The following ANTXRL variants were observed in gnomAD, a reference collection of about 807,000 sequenced individuals.
The protein encoded by ANTXRL is anthrax toxin receptor-like.
A neutral mutation model predicts 75.4 loss-of-function variants in ANTXRL; 63 were observed. The ratio of observed to expected loss-of-function variants is 0.84; its 90% CI spans 0.68 to 1.03. The LOEUF is 1.03. Among genes scored for constraint, ANTXRL ranks in the 50% least tolerant of loss-of-function variants. The pLI is 0.00. For missense variants in ANTXRL, 797 were observed against 789.4 expected (o/e 1.01, Z -0.12); for synonymous variants, 335 against 291.3 (o/e 1.15, Z -1.53).
intron 2 of ANTXRL, among the ~76,000 whole-genome samples, chr10:46,293,339 TGTGTGCGTGC>T (rs1837125618): frequency 6.8e-6 from 1 of 147,528 alleles, no homozygotes; most frequent in South Asian, 2.2e-4. Flanking sequence ...AGTGTGTGCG[TGTGTGCGTGC>T]ATGTGTGTGC....
At chr10:46,325,396 G>C (rs1313495352) in intron 16 of ANTXRL, among the ~76,000 whole-genome samples, 2 of 152,086 alleles carry the variant, frequency 1.3e-5, no homozygotes, top group Non-Finnish European at 2.9e-5. Flanking sequence ...AGGTCCCTTT[G>C]GTCTTGGCCC....
chr10:46,303,320 C>T (rs1837871528), intron 10 of ANTXRL, among the ~76,000 whole-genome samples: 1 of 152,206 alleles, frequency 6.6e-6, no homozygotes, highest in South Asian at 2.1e-4. Context: ...GCACACATTG[C>T]CTGTGTCACC....
chr10:46,302,716 T>C lies in ANTXRL; in HGVS notation c.797-6T>C. 6.5e-7 allele frequency: 1 copy of C among 1,533,664 alleles called. No individual in the cohort carries two copies. The highest frequency in any genetic ancestry group is 8.7e-7 in the Non-Finnish European group (1 of 1,144,404). On this transcript the variant is annotated splice_polypyrimidine_tract_variant and splice_region_variant and intron_variant, in intron 9 of 16. Transcript: ENST00000620264. The stretch of plus-strand genomic sequence containing the variant: ...TCACTCAGCCTTTTGAATGTTGTCC[T>C]TGCAGAACCCTACCATGTGGTTATT...
At chr10:46,300,381 T>C (rs73291005) in intron 9 of ANTXRL, among the ~76,000 whole-genome samples, 6,906 of 152,030 alleles carry the variant, frequency 0.045, 469 homozygotes, top group African/African-American at 0.16. Flanking sequence ...GAGGGAGGCA[T>C]GCAGCCCAGA....
rs575985310 is a variant in ANTXRL at position 46,304,852 on chromosome 10, C to T, written c.896-1951C>T. Among the ~76,000 whole-genome samples, 9 of 152,148 alleles carry T rather than the reference C, an allele frequency of 5.9e-5. No individual in the cohort carries two copies. In the South Asian group the frequency reaches 1.0e-3, roughly 18 times the overall value. ...GGAAAGGGGGTACCCAGCCTACCTC[C>T]GTGAGTGGCATTCAGCTGCCTCCTC... On this transcript the variant is annotated intron_variant, in intron 10 of 16. Coordinates refer to ENST00000620264, the MANE Select transcript of ANTXRL (RefSeq NM_001278688.3).
At chr10:46,289,516 C>G (rs781954448) in intron 1 of ANTXRL, among the ~76,000 whole-genome samples, 1 of 152,074 alleles carries the variant, frequency 6.6e-6, no homozygotes, top group Non-Finnish European at 1.5e-5. Flanking sequence ...TCGCTTGAGT[C>G]TAGGAGTTCA....
In ANTXRL at chr10:46,313,284, G is replaced by A. The variant is rs1838536664; in HGVS notation, c.1378G>A (p.Val460Met). The change falls in exon 16 of 17, where the codon GTG becomes ATG. Residue 460 changes from valine to methionine, a missense_variant. This residue lies in a region of ANTXRL where 479 missense variants were observed against 422.0 expected (regional missense o/e 1.14). Coordinates refer to ENST00000620264, the MANE Select transcript of ANTXRL (RefSeq NM_001278688.3). ...CDLSHASCHQ[V>M]PWMCCQSRDQ... ...CCTCTCTCACGCAAGCTGCCACCAG[G>A]TGCCATGGATGTGTTGTCAGAGCAG... 6.5e-7 allele frequency: 1 copy of A among 1,535,922 alleles called. No individual in the cohort carries two copies. The highest frequency in any genetic ancestry group is 8.7e-7 in the Non-Finnish European group (1 of 1,146,736).
intron 14 of ANTXRL, 60 bp from the exon 15 acceptor site, chr10:46,311,450 G>T: frequency 6.9e-7 from 1 of 1,448,440 alleles, no homozygotes; most frequent in Non-Finnish European, 9.1e-7. Context: ...ACACATCTGG[G>T]AGTGGCCAGC....
intron 12 of ANTXRL, chr10:46,308,802 C>T (rs1259079921): frequency 7.0e-6 from 3 of 425,984 alleles, no homozygotes; most frequent in Non-Finnish European, 1.3e-5. Flanking sequence ...CCTCACCTGT[C>T]TTTGTACCGG....
chr10:46,301,106 AG>A (rs1837710940), intron 9 of ANTXRL, among the ~76,000 whole-genome samples: 1 of 152,194 alleles, frequency 6.6e-6, no homozygotes, highest in African/African-American at 2.4e-5. Flanking sequence ...GCTTTGGGGC[AG>A]CACTCAGCCC....
intron 11 of ANTXRL, 104 bp from the exon 12 acceptor site, chr10:46,307,298 C>A: frequency 1.2e-6 from 1 of 842,048 alleles, no homozygotes; most frequent in Non-Finnish European, 1.9e-6. Context: ...GCTAAGTTTA[C>A]CTGCAAGTGT....
chr10:46,297,773 G>C, intron 7 of ANTXRL, 58 bp from the exon 8 acceptor site: 1 of 1,424,694 alleles, frequency 7.0e-7, no homozygotes, highest in Admixed American at 2.0e-5. Flanking sequence ...CCTGGGCCGG[G>C]GGTCTGCTGC....
Position 46,306,839 on chromosome 10 carries a change from A to C in ANTXRL, c.932A>C (p.Asn311Thr). 1 of 1,530,774 alleles carries C rather than the reference A, an allele frequency of 6.5e-7. No individual in the cohort carries two copies. Among genetic ancestry groups the C allele is most frequent in the Non-Finnish European group, 8.7e-7 (1 of 1,144,760 alleles). The allele number at this position is 1,530,774 out of a possible 1,614,324, so 94.8% of individuals were successfully genotyped here. ...ACCAGTATCGACAATAATTCCATGA[A>C]TTGCCCTGGGCCAAAACTAGAAAAA... is the stretch of plus-strand genomic sequence containing the variant. The part of the protein sequence containing the change: ...KPTSIDNNSM[N>T]CPGPKLEKPG... Residue 311 changes from asparagine to threonine, a missense_variant, in exon 11 of 17, where the codon AAT becomes ACT. Transcript: ENST00000620264.
intron 16 of ANTXRL, among the ~76,000 whole-genome samples, chr10:46,314,150 T>C (rs1184457764): frequency 6.6e-6 from 1 of 152,178 alleles, no homozygotes; most frequent in Non-Finnish European, 1.5e-5. Context: ...TGGCTGTGCA[T>C]GGACAAGGCC....
At chr10:46,309,687 T>A (rs527793076) in intron 13 of ANTXRL, among the ~76,000 whole-genome samples, 1 of 68,154 alleles carries the variant, frequency 1.5e-5, no homozygotes, top group East Asian at 3.8e-4. Flanking sequence ...CATGTCTAGT[T>A]CCTTCCCCAT....
intron 5 of ANTXRL, among the ~76,000 whole-genome samples, chr10:46,296,842 C>T (rs1243322911): frequency 3.9e-5 from 6 of 152,140 alleles, no homozygotes; most frequent in East Asian, 1.9e-4. Flanking sequence ...GACCTGGCCC[C>T]CTGGGAGCCT....
chr10:46,326,610 G>C (rs1158253407), intron 16 of ANTXRL, among the ~76,000 whole-genome samples: 1 of 152,124 alleles, frequency 6.6e-6, no homozygotes, highest in Non-Finnish European at 1.5e-5. Context: ...GATCTTGCCT[G>C]GGCCTTATAG....
At position 46,311,614 on chromosome 10, in the gene ANTXRL, G is replaced by A. The variant is rs45485493; in HGVS notation, c.1278G>A (p.Val426=). The change falls in exon 15 of 17, where the codon GTG becomes GTA. Residue 426 remains valine, a synonymous_variant. Coordinates refer to ENST00000620264, the MANE Select transcript of ANTXRL (RefSeq NM_001278688.3). The stretch of plus-strand genomic sequence containing the variant: ...CTCCTGTAAACACCTGCCCCACTGT[G>A]ATTATTTGTTGCTGTGGATGCCAAG... ...PPAPVNTCPT[V]IICCCGCQGV... is the part of the protein sequence containing the mutation. The A allele has an allele frequency of 1.8e-5, 25 of 1,384,866 alleles. No individual in the cohort carries two copies. The highest frequency in any genetic ancestry group is 2.4e-5 in the Non-Finnish European group (24 of 1,008,826). 85.8% of individuals were successfully genotyped at this position (1,384,866 alleles called of 1,614,324 possible). A position where few individuals can be genotyped will look rare whatever the true frequency, so the allele number is the denominator to read the frequency against.
At chr10:46,309,022 G>A (rs1238201742) in intron 12 of ANTXRL, 91 bp from the exon 13 acceptor site, 1 of 1,515,802 alleles carries the variant, frequency 6.6e-7, no homozygotes, top group East Asian at 2.5e-5. Flanking sequence ...GCCAGCTAGG[G>A]AGAGTGAGGA....
Sources: gnomAD v4.1 joint callset for allele counts (sites outside exome capture counted in the v4.1 genomes callset) on GRCh38, gnomAD v4.1.1 for gene constraint, gnomAD v4.1.1 regional missense constraint, MANE v1.5 for transcripts, NCBI Gene and HGNC (gene_info 2026-07-23, HGNC 2026-07-21) for gene names.